The following FAM110A variants were observed in gnomAD, a reference collection of about 807,000 sequenced individuals.
FAM110A encodes the protein protein FAM110A.
A neutral mutation model predicts 4.0 loss-of-function variants in FAM110A; 1 was observed. The observed-to-expected ratio is 0.25, with a 90% CI of 0.09 to 1.20. FAM110A has a LOEUF of 1.20. Among genes scored for constraint, FAM110A ranks in the 50% most tolerant of loss-of-function variants. FAM110A has a pLI of 0.50. For synonymous variants in FAM110A, 217 were observed against 196.8 expected (o/e 1.10, Z -0.86); for missense variants, 436 against 429.2 (o/e 1.02, Z -0.14).
At chr20:839,836 C>A (rs1568781933) in intron 1 of FAM110A, 25 of 1,604,892 alleles carry the variant, frequency 1.6e-5, no homozygotes, top group Non-Finnish European at 2.0e-5. Flanking sequence ...GACTGCATGG[C>A]CTTCATGACG....
Position 845,770 on chromosome 20 carries a change from C to G in FAM110A, c.*78C>G. ...TCCCTGGACCTCTCTTGCATCCATT[C>G]TCTAGACGGCCGTGTCAGAGGCTCC... On this transcript the variant is annotated 3_prime_UTR_variant, in exon 2 of 2. Coordinates refer to ENST00000381941, the MANE Select transcript of FAM110A (RefSeq NM_001042353.3). The G allele has an allele frequency of 6.4e-7, 1 of 1,572,128 alleles. No individual in the cohort carries two copies.
At chr20:837,616 A>G (rs931835879) in intron 1 of FAM110A, among the ~76,000 whole-genome samples, 2 of 152,232 alleles carry the variant, frequency 1.3e-5, no homozygotes, top group African/African-American at 4.8e-5. Context: ...CCAAGGTCTC[A>G]TAGCTAATCA....
Position 845,322 on chromosome 20 carries a change from C to A in FAM110A, c.518C>A (p.Ala173Asp), listed in dbSNP as rs190187707. The change falls in exon 2 of 2, where the codon GCC becomes GAC. Residue 173 changes from alanine to aspartate, a missense_variant. Coordinates refer to ENST00000381941, the MANE Select transcript of FAM110A (RefSeq NM_001042353.3). ...CGGCCCTGCCCATCACCCGGCCCTG[C>A]CGCCGCCTCCAGCCCAGCCCGGCCG... The part of the protein sequence containing the change: ...PARPCPSPGP[A>D]AASSPARPPG... 5,037 of 1,558,534 alleles carry A rather than the reference C, an allele frequency of 3.2e-3. 9 individuals carry two copies. The highest frequency in any genetic ancestry group is 3.7e-3 in the Non-Finnish European group (4,249 of 1,152,142).
chr20:844,041 G>T (rs897517526), intron 1 of FAM110A, among the ~76,000 whole-genome samples: 5 of 152,198 alleles, frequency 3.3e-5, no homozygotes, highest in Non-Finnish European at 5.9e-5. Flanking sequence ...GATTTTCTTT[G>T]CTCCTTCCCT....
chr20:841,438 G>T (rs1017997165), intron 1 of FAM110A: 1 of 152,334 alleles, frequency 6.6e-6, no homozygotes, highest in Admixed American at 6.5e-5. Context: ...GGACCGCGGG[G>T]ATGGTGCCGC....
At chr20:835,270 A>T (rs1247880151) in intron 1 of FAM110A, among the ~76,000 whole-genome samples, 1 of 151,702 alleles carries the variant, frequency 6.6e-6, no homozygotes, top group Non-Finnish European at 1.5e-5. Flanking sequence ...GTGTGTATAT[A>T]TGTATATATG....
chr20:845,060 C>CTCACT lies in FAM110A; in HGVS notation c.260_261insTTCAC (p.Pro88SerfsTer106), dbSNP rs762707860. 4 of 1,594,398 alleles carry CTCACT rather than the reference C, an allele frequency of 2.5e-6. No homozygotes were observed. The African/African-American group carries it at 5.4e-5, about 21-fold the overall frequency. Reference sequence around the variant, plus strand: ...TAGCCCTGAGACTCGCCGCACAGTGCTCACGCCCAGCCGCCGAGCCCTGCC... The same window carrying CTCACT: ...TAGCCCTGAGACTCGCCGCACAGTGCTCACTTCACGCCCAGCCGCCGAGCCCTGCC... On this transcript the variant is annotated frameshift_variant, in exon 2 of 2. Transcript: ENST00000381941. LOFTEE classifies it high-confidence loss of function.
chr20:842,819 C>A (rs1980010072), intron 1 of FAM110A, among the ~76,000 whole-genome samples: 1 of 152,144 alleles, frequency 6.6e-6, no homozygotes, highest in Admixed American at 6.5e-5. Context: ...GACCCATATG[C>A]CTGCAGCAGG....
At chr20:843,649 A>G (rs1370800525) in intron 1 of FAM110A, among the ~76,000 whole-genome samples, 3 of 152,176 alleles carry the variant, frequency 2.0e-5, no homozygotes, top group Middle Eastern at 3.4e-3. Context: ...GGGACTTGGT[A>G]TGTGGGTTTT....
At chr20:841,780 T>C (rs562406071) in intron 1 of FAM110A, among the ~76,000 whole-genome samples, 4 of 152,248 alleles carry the variant, frequency 2.6e-5, no homozygotes, top group South Asian at 4.1e-4. Flanking sequence ...AGAGGGGACA[T>C]TGAGTCGCGC....
chr20:836,483 T>G (rs1979582961), intron 1 of FAM110A, among the ~76,000 whole-genome samples: 1 of 152,228 alleles, frequency 6.6e-6, no homozygotes, highest in South Asian at 2.1e-4. Flanking sequence ...GTGTCTGGCT[T>G]ATTTCACTTA....
intron 1 of FAM110A, among the ~76,000 whole-genome samples, chr20:842,983 A>T (rs985639358): frequency 2.0e-5 from 3 of 150,424 alleles, no homozygotes. Flanking sequence ...AAAATAGCCA[A>T]CCCCCGCCCC....
intron 1 of FAM110A, chr20:839,456 T>A (rs200271448): frequency 2.2e-4 from 166 of 759,964 alleles, no homozygotes; most frequent in Non-Finnish European, 5.0e-5. Flanking sequence ...TTTATTGAGG[T>A]GGCTGACCAC....
Position 840,658 on chromosome 20 carries a change from C to A in FAM110A, c.-97-4050C>A, listed in dbSNP as rs1979838621. ...GAGGCATGCTCAGGCTCAGCCTGTT[C>A]CAGAGGGATGGACTCTACACGTGAC... On this transcript the variant is annotated intron_variant, in intron 1 of 1. Transcript: ENST00000381941. The surrounding 1 kb of genome is among the most constrained non-coding windows in gnomAD (Gnocchi z 4.4). Among the ~76,000 whole-genome samples the A allele has an allele frequency of 6.6e-6, 1 of 152,160 alleles. No homozygotes were observed. The highest frequency in any genetic ancestry group is 2.4e-5 in the African/African-American group (1 of 41,430).
chr20:836,885 T>A (rs1163028102), intron 1 of FAM110A, among the ~76,000 whole-genome samples: 1 of 149,026 alleles, frequency 6.7e-6, no homozygotes, highest in Non-Finnish European at 1.5e-5. Flanking sequence ...TCTGTTTGTA[T>A]TTTTTTTTTG....
intron 1 of FAM110A, chr20:839,804 C>G (rs1420713371): frequency 9.5e-6 from 15 of 1,578,076 alleles, no homozygotes; most frequent in African/African-American, 1.3e-5. Context: ...ACTGTTCCTT[C>G]ACGCAGCCCC....
At position 844,882 on chromosome 20, in the gene FAM110A, C is replaced by T; in HGVS notation, c.78C>T (p.Gly26=). The change falls in exon 2 of 2, where the codon GGC becomes GGT. Residue 26 remains glycine (G), a synonymous_variant. Transcript: ENST00000381941. ...LPCRLRTRVP[G]YLLRGPADGG... is the part of the protein sequence containing the mutation. ...GCCGCCTGCGGACCAGGGTCCCTGGCTACCTGCTACGGGGGCCGGCAGATG... is the reference window on the plus strand; with the variant it reads ...GCCGCCTGCGGACCAGGGTCCCTGGTTACCTGCTACGGGGGCCGGCAGATG... 6.4e-7 allele frequency: 1 copy of T among 1,551,056 alleles called. No individual in the cohort carries two copies. Among genetic ancestry groups the T allele is most frequent in the Non-Finnish European group, 8.7e-7 (1 of 1,147,970 alleles).
rs745837417 is a variant in FAM110A at position 845,492 on chromosome 20, G to A, written c.688G>A (p.Asp230Asn). Residue 230 changes from aspartate to asparagine, a missense_variant, in exon 2 of 2, where the codon GAT becomes AAT. By Grantham distance (23) the Asp-to-Asn change is conservative. Coordinates refer to ENST00000381941, the MANE Select transcript of FAM110A (RefSeq NM_001042353.3). ...GGCCCACCTGGCACGGGCCAGCTCGGATATCGTGTCCCTGGCAGGGCCCAG... is the reference window on the plus strand; with the variant it reads ...GGCCCACCTGGCACGGGCCAGCTCGAATATCGTGTCCCTGGCAGGGCCCAG... ...GVAHLARASS[D>N]IVSLAGPSAG... 6.2e-7 allele frequency: 1 copy of A among 1,612,584 alleles called. No homozygotes were observed. Among genetic ancestry groups the A allele is most frequent in the Admixed American group, 1.7e-5 (1 of 59,892 alleles).
chr20:841,374 C>T (rs1979896163), intron 1 of FAM110A: 1 of 152,478 alleles, frequency 6.6e-6, no homozygotes, highest in Non-Finnish European at 1.5e-5. Context: ...CCCGAGCACC[C>T]CTCCACCCCA....
Sources: gnomAD v4.1 joint callset for allele counts (sites outside exome capture counted in the v4.1 genomes callset) on GRCh38, gnomAD v4.1.1 for gene constraint, Gnocchi (gnomAD v3.1) non-coding constraint, MANE v1.5 for transcripts, NCBI Gene and HGNC (gene_info 2026-07-23, HGNC 2026-07-21) for gene names.